Variants in HYCC2 observed in about 807,000 individuals in gnomAD.
The protein encoded by HYCC2 is hyccin 2.
chr2:201,056,193 C>CA, the HYCC2 span, among the ~76,000 whole-genome samples: 82 of 135,438 alleles, frequency 6.1e-4, no homozygotes, highest in African/African-American at 1.4e-3. Flanking sequence ...GACTCCGTCT[C>CA]AAAAAAAAAA....
At chr2:201,034,015 T>C in the HYCC2 span, among the ~76,000 whole-genome samples, 1 of 151,676 alleles carries the variant, frequency 6.6e-6, no homozygotes, top group African/African-American at 2.4e-5. Context: ...GCTAAATTAC[T>C]ATTTTAAATT....
At chr2:201,068,177 C>T in the HYCC2 span, among the ~76,000 whole-genome samples, 2 of 152,106 alleles carry the variant, frequency 1.3e-5, no homozygotes, top group Non-Finnish European at 2.9e-5. Context: ...ATCCCAGCTA[C>T]TCCGGAGGCT....
the HYCC2 span, among the ~76,000 whole-genome samples, chr2:201,054,907 C>G: frequency 6.6e-6 from 1 of 152,254 alleles, no homozygotes; most frequent in East Asian, 1.9e-4. Context: ...TCAAGCAATC[C>G]TCCTGACTTG....
chr2:201,039,786 A>T, the HYCC2 span, among the ~76,000 whole-genome samples: 1 of 152,228 alleles, frequency 6.6e-6, no homozygotes, highest in East Asian at 1.9e-4. Flanking sequence ...CTACTACTTC[A>T]CAATTTACTT....
chr2:201,015,506 T>C, the HYCC2 span, among the ~76,000 whole-genome samples: 4 of 152,334 alleles, frequency 2.6e-5, no homozygotes, highest in East Asian at 7.7e-4. Flanking sequence ...AAATTTCATG[T>C]CCATTTGCCT....
the HYCC2 span, among the ~76,000 whole-genome samples, chr2:201,012,082 G>C: frequency 6.6e-6 from 1 of 151,378 alleles, no homozygotes; most frequent in East Asian, 1.9e-4. Context: ...TTTTTAAATG[G>C]TGAGAACCTT....
At chr2:200,996,386 G>A in the HYCC2 span, 3 of 152,150 alleles carry the variant, frequency 2.0e-5, no homozygotes, top group African/African-American at 7.2e-5. Flanking sequence ...CTAGCACTTT[G>A]GAAGGCCAGG....
the HYCC2 span, among the ~76,000 whole-genome samples, chr2:201,006,883 T>C: frequency 1.3e-5 from 2 of 152,218 alleles, no homozygotes; most frequent in Non-Finnish European, 2.9e-5. Flanking sequence ...GAGGAGGAAC[T>C]AAATTTAGCT....
the HYCC2 span, among the ~76,000 whole-genome samples, chr2:201,011,219 T>G: frequency 6.6e-6 from 1 of 152,092 alleles, no homozygotes; most frequent in African/African-American, 2.4e-5. Context: ...AAGAAAATTT[T>G]CATTATTTTC....
the HYCC2 span, chr2:201,008,914 T>C: frequency 1.0e-6 from 1 of 995,856 alleles, no homozygotes; most frequent in East Asian, 2.5e-5. Flanking sequence ...CATTCATTCA[T>C]ATATATATTC....
chr2:201,039,949 C>G, the HYCC2 span, among the ~76,000 whole-genome samples: 1 of 152,010 alleles, frequency 6.6e-6, no homozygotes, highest in Admixed American at 6.6e-5. Flanking sequence ...CCGAGGTGGG[C>G]AGATCACAAG....
At chr2:201,027,766 C>G in the HYCC2 span, among the ~76,000 whole-genome samples, 459 of 152,198 alleles carry the variant, frequency 3.0e-3, 4 homozygotes, top group African/African-American at 9.4e-3. Flanking sequence ...ATTCAACAAC[C>G]CTTCATGCTA....
chr2:201,060,058 G>A, the HYCC2 span, among the ~76,000 whole-genome samples: 100 of 144,824 alleles, frequency 6.9e-4, 4 homozygotes, highest in African/African-American at 4.1e-4. Flanking sequence ...AAAAAGCGGG[G>A]GGGGGGGGGT....
the HYCC2 span, among the ~76,000 whole-genome samples, chr2:201,038,901 A>G: frequency 6.6e-6 from 1 of 152,160 alleles, no homozygotes; most frequent in South Asian, 2.1e-4. Flanking sequence ...TAATTAAAAA[A>G]AAGAAAAAGA....
the HYCC2 span, among the ~76,000 whole-genome samples, chr2:200,995,415 G>A: frequency 6.6e-6 from 1 of 152,228 alleles, no homozygotes; most frequent in East Asian, 1.9e-4. Flanking sequence ...CTTCAGCACG[G>A]GTGGGATCTA....
the HYCC2 span, among the ~76,000 whole-genome samples, chr2:201,034,741 G>A: frequency 6.6e-6 from 1 of 152,166 alleles, no homozygotes; most frequent in Non-Finnish European, 1.5e-5. Flanking sequence ...GCAGTGGCTG[G>A]TACCGGTTGT....
the HYCC2 span, among the ~76,000 whole-genome samples, chr2:201,019,230 T>C: frequency 6.6e-6 from 1 of 152,186 alleles, no homozygotes; most frequent in African/African-American, 2.4e-5. Flanking sequence ...TTCTCTAAAC[T>C]TTATGGGCCA....
chr2:201,036,984 T>C, the HYCC2 span, among the ~76,000 whole-genome samples: 1 of 152,228 alleles, frequency 6.6e-6, no homozygotes, highest in Non-Finnish European at 1.5e-5. Context: ...CATGATTGTA[T>C]ATCTAGAAAA....
At chr2:200,985,039 A>G in the HYCC2 span, among the ~76,000 whole-genome samples, 1 of 152,182 alleles carries the variant, frequency 6.6e-6, no homozygotes, top group Non-Finnish European at 1.5e-5. Flanking sequence ...GGAGCCCAGG[A>G]GTCTGAGGTT....
Sources: allele counts gnomAD v4.1 joint callset (sites outside exome capture counted in the v4.1 genomes callset), GRCh38; gene constraint gnomAD v4.1.1; transcripts MANE v1.5; gene names NCBI Gene and HGNC (gene_info 2026-07-23, HGNC 2026-07-21).